The following PGPEP1L variants were observed in gnomAD, a reference collection of about 807,000 sequenced individuals.
PGPEP1L encodes pyroglutamyl-peptidase 1-like protein.
In PGPEP1L, 7 loss-of-function variants were observed where a neutral mutation model predicts 6.0. That is an observed-to-expected ratio of 1.17 (90% confidence interval 0.66 to 2.19). The LOEUF (loss-of-function observed/expected upper bound fraction) is 2.19, where lower values mean the gene tolerates loss of function less well. PGPEP1L is among the 30% of genes most tolerant of loss of function. The pLI is 0.00. For synonymous variants in PGPEP1L, 103 were observed against 83.9 expected (o/e 1.23, Z -1.24); for missense variants, 209 against 192.5 (o/e 1.09, Z -0.51).
chr15:99,006,535 AAAC>A (rs1184818216), intron 1 of PGPEP1L, among the ~76,000 whole-genome samples: 9 of 152,246 alleles, frequency 5.9e-5, no homozygotes, highest in Admixed American at 1.3e-4. Context: ...TTTAAAAACA[AAAC>A]AAACTTTTGG....
chr15:98,996,558 G>T (rs1329174601), intron 2 of PGPEP1L, among the ~76,000 whole-genome samples: 1 of 152,054 alleles, frequency 6.6e-6, no homozygotes, highest in Non-Finnish European at 1.5e-5. Flanking sequence ...ATATGTATAG[G>T]TATGGGTGTG....
chr15:98,992,327 C>A (rs1282039573), intron 2 of PGPEP1L, among the ~76,000 whole-genome samples: 1 of 152,160 alleles, frequency 6.6e-6, no homozygotes, highest in Non-Finnish European at 1.5e-5. Context: ...AGAGCCAAAT[C>A]ATGAGTGAAC....
At chr15:98,971,457 GCGC>G (rs2017496391) in intron 2 of PGPEP1L, among the ~76,000 whole-genome samples, 1 of 152,090 alleles carries the variant, frequency 6.6e-6, no homozygotes, top group Admixed American at 6.6e-5. Flanking sequence ...TAGTACCACT[GCGC>G]TCCAGCCTGG....
At chr15:98,996,611 A>G (rs2017892005) in intron 2 of PGPEP1L, among the ~76,000 whole-genome samples, 1 of 89,178 alleles carries the variant, frequency 1.1e-5, no homozygotes, top group African/African-American at 3.0e-5. Context: ...TTGTATGTGT[A>G]TATGCCTGCG....
intron 2 of PGPEP1L, among the ~76,000 whole-genome samples, chr15:98,980,874 C>T (rs2017648640): frequency 6.6e-6 from 1 of 151,064 alleles, no homozygotes; most frequent in South Asian, 2.1e-4. Context: ...AGAGCTTGCA[C>T]TGAGCCAAGA....
chr15:99,000,715 T>C (rs915231217), intron 2 of PGPEP1L, among the ~76,000 whole-genome samples: 1 of 152,064 alleles, frequency 6.6e-6, no homozygotes. Context: ...TCAGGGATTA[T>C]AAACACACCA....
chr15:98,990,193 G>A (rs958737680), intron 2 of PGPEP1L, among the ~76,000 whole-genome samples: 1 of 151,918 alleles, frequency 6.6e-6, no homozygotes, highest in Non-Finnish European at 1.5e-5. Context: ...TGGCAAATTG[G>A]ATAAAGAGTC....
intron 2 of PGPEP1L, among the ~76,000 whole-genome samples, chr15:98,997,205 C>T (rs1382698636): frequency 6.6e-6 from 1 of 152,192 alleles, no homozygotes; most frequent in Non-Finnish European, 1.5e-5. Flanking sequence ...TTGTGTGCAG[C>T]AGTGAGGCTT....
At chr15:99,001,171 G>A (rs1453597054) in intron 2 of PGPEP1L, 4 of 445,864 alleles carry the variant, frequency 9.0e-6, no homozygotes, top group Non-Finnish European at 1.8e-5. Context: ...CCGCCTTTAA[G>A]AACTGTAACA....
chr15:98,988,733 T>C (rs1298758394), intron 2 of PGPEP1L, among the ~76,000 whole-genome samples: 1 of 152,142 alleles, frequency 6.6e-6, no homozygotes, highest in African/African-American at 2.4e-5. Context: ...ACACCTCATA[T>C]AGGAGAGCTC....
Position 98,969,450 on chromosome 15 carries a change from C to A in PGPEP1L, c.184G>T (p.Val62Leu). The stretch of plus-strand genomic sequence containing the variant: ...CTGCCTGCATCTCGGGAAAAGATCA[C>A]GTCGACACCCTCCACAGCTACGCGC... Reference protein sequence around the residue: ...CKRVAVEGVDVIFSRDAGRYV... With the variant: ...CKRVAVEGVDLIFSRDAGRYV... Residue 62 changes from valine (V) to leucine (L), a missense_variant, in exon 4 of 5, where the codon GTG becomes TTG. Val to Leu is a conservative substitution (Grantham distance 32). Transcript: ENST00000535714. 3.1e-6 allele frequency: 5 copies of A among 1,614,034 alleles called. No homozygotes were observed. The highest frequency in any genetic ancestry group is 4.2e-6 in the Non-Finnish European group (5 of 1,179,904).
chr15:99,001,443 GGTTT>G (rs1225322150), intron 2 of PGPEP1L, among the ~76,000 whole-genome samples: 1 of 152,094 alleles, frequency 6.6e-6, no homozygotes, highest in Non-Finnish European at 1.5e-5. Context: ...AGGGGTGTGG[GGTTT>G]CTTTCTGGGG....
intron 4 of PGPEP1L, 36 bp downstream of exon 4, chr15:98,969,389 C>A (rs545498850): frequency 1.2e-5 from 20 of 1,611,216 alleles, no homozygotes; most frequent in Non-Finnish European, 1.6e-5. Context: ...TGCTTCTCTC[C>A]TACCTGCTCA....
intron 2 of PGPEP1L, among the ~76,000 whole-genome samples, chr15:99,002,948 G>T (rs7402724): frequency 0.79 from 119,905 of 151,544 alleles, 48,065 homozygotes; most frequent in East Asian, 0.93. Flanking sequence ...CAGGCCTTTA[G>T]ACTAGGAACC....
intron 2 of PGPEP1L, among the ~76,000 whole-genome samples, chr15:98,997,630 T>C (rs1555472603): frequency 6.6e-6 from 1 of 152,246 alleles, no homozygotes; most frequent in African/African-American, 2.4e-5. Context: ...TATTAAGTGC[T>C]TTCTCTGTGC....
chr15:98,993,268 C>G (rs1165633228), intron 2 of PGPEP1L, among the ~76,000 whole-genome samples: 1 of 152,008 alleles, frequency 6.6e-6, no homozygotes, highest in Non-Finnish European at 1.5e-5. Context: ...AAAAAACAAC[C>G]CCATCAAAAA....
At chr15:98,982,024 C>T (rs780669970) in intron 2 of PGPEP1L, among the ~76,000 whole-genome samples, 5 of 152,146 alleles carry the variant, frequency 3.3e-5, no homozygotes, top group Non-Finnish European at 5.9e-5. Flanking sequence ...TTCCTGTCAA[C>T]GTGGGAATGG....
intron 2 of PGPEP1L, among the ~76,000 whole-genome samples, chr15:99,000,403 A>G (rs2017948228): frequency 6.6e-6 from 1 of 152,206 alleles, no homozygotes; most frequent in Non-Finnish European, 1.5e-5. Flanking sequence ...ATGGCACAGG[A>G]CTGGCAGGCA....
intron 2 of PGPEP1L, among the ~76,000 whole-genome samples, chr15:98,985,504 C>G (rs952931385): frequency 1.3e-5 from 2 of 152,218 alleles, no homozygotes; most frequent in Non-Finnish European, 2.9e-5. Context: ...TGCCACTGCA[C>G]TCCAGCCTGG....
Sources: allele counts gnomAD v4.1 joint callset (sites outside exome capture counted in the v4.1 genomes callset), GRCh38; gene constraint gnomAD v4.1.1; transcripts MANE v1.5; gene names NCBI Gene and HGNC (gene_info 2026-07-23, HGNC 2026-07-21).